Variants in NAV3 observed in about 807,000 individuals in gnomAD.
NAV3 encodes pore membrane and/or filament interacting like protein 1.
NAV3 carries 87 observed loss-of-function variants against 244.7 expected under a neutral mutation model. The ratio of observed to expected loss-of-function variants is 0.36; its 90% CI spans 0.30 to 0.42. The LOEUF is 0.42. Ranked by LOEUF, NAV3 falls within the 20% of genes least tolerant of loss-of-function variation. The probability of loss-of-function intolerance (pLI) is 1.00; values close to 1 mark genes in which losing one functional copy is unlikely to be tolerated. For synonymous variants in NAV3, 1,126 were observed against 1,042.2 expected (o/e 1.08, Z -1.55); for missense variants, 2,663 against 2,893.3 (o/e 0.92, Z 1.83).
chr12:77,633,880 T>C (rs2136927332), intron 2 of NAV3, among the ~76,000 whole-genome samples: 1 of 152,308 alleles, frequency 6.6e-6, no homozygotes, highest in East Asian at 1.9e-4. Context: ...TTTTGGACAA[T>C]GTAACATTTT....
At chr12:77,791,634 T>C (rs537611755) in intron 2 of NAV3, among the ~76,000 whole-genome samples, 2 of 152,304 alleles carry the variant, frequency 1.3e-5, no homozygotes, top group Non-Finnish European at 2.9e-5. Flanking sequence ...ACTATCCCAT[T>C]GTTGACTTCA....
intron 2 of NAV3, among the ~76,000 whole-genome samples, chr12:77,739,627 C>T (rs1490897006): frequency 6.6e-6 from 1 of 152,128 alleles, no homozygotes; most frequent in African/African-American, 2.4e-5. Flanking sequence ...TTGTACCTTA[C>T]TGATTTAAAT....
At chr12:77,855,509 G>A (rs1878261336) in intron 1 of NAV3, among the ~76,000 whole-genome samples, 1 of 152,142 alleles carries the variant, frequency 6.6e-6, no homozygotes, top group African/African-American at 2.4e-5. Flanking sequence ...TATATTATAA[G>A]AATTCTATAA....
chr12:78,096,367 C>A (rs1417413323), intron 12 of NAV3, among the ~76,000 whole-genome samples: 1 of 152,120 alleles, frequency 6.6e-6, no homozygotes, highest in Admixed American at 6.5e-5. Flanking sequence ...AAATTTATTT[C>A]TCCTCTAGTG....
At chr12:77,645,154 G>A (rs920408927) in intron 2 of NAV3, among the ~76,000 whole-genome samples, 3 of 152,098 alleles carry the variant, frequency 2.0e-5, no homozygotes, top group Non-Finnish European at 4.4e-5. Context: ...AGGCCAGATG[G>A]AAGATTAAAA....
At position 78,210,742 on chromosome 12, in the gene NAV3, G is replaced by A. The variant is rs1960819347; in HGVS notation, c.*225G>A. ...TCTAAGCATTTTTTATATCTGTGGA[G>A]TAATAGAAAGCTCCATTACTCAACT... On this transcript the variant is annotated 3_prime_UTR_variant, in exon 40 of 40. Coordinates refer to ENST00000397909, the MANE Select transcript of NAV3 (RefSeq NM_001024383.2). 1.9e-6 allele frequency: 1 copy of A among 515,320 alleles called. No homozygotes were observed. The highest frequency in any genetic ancestry group is 3.6e-5 in the East Asian group (1 of 27,606). 31.9% of individuals were successfully genotyped at this position (515,320 alleles called of 1,614,324 possible).
At chr12:78,006,159 T>G (rs576517098) in intron 7 of NAV3, among the ~76,000 whole-genome samples, 1 of 152,252 alleles carries the variant, frequency 6.6e-6, no homozygotes, top group South Asian at 2.1e-4. Context: ...CAAATTTATT[T>G]GGGTAAGAGT....
chr12:78,199,150 T>C, intron 36 of NAV3, 185 bp from the exon 37 acceptor site: 1 of 672,290 alleles, frequency 1.5e-6, no homozygotes. Context: ...AGCTACATTA[T>C]AGCTCTCATC....
At chr12:77,662,645 T>A (rs1873518532) in intron 2 of NAV3, among the ~76,000 whole-genome samples, 2 of 152,090 alleles carry the variant, frequency 1.3e-5, no homozygotes, top group Admixed American at 1.3e-4. Context: ...AGTATTATGC[T>A]TTTCCTAACT....
intron 2 of NAV3, among the ~76,000 whole-genome samples, chr12:77,665,809 A>T (rs917367221): frequency 6.6e-6 from 1 of 152,212 alleles, no homozygotes; most frequent in Non-Finnish European, 1.5e-5. Flanking sequence ...CTCTGAATTT[A>T]TAGCTGCTGA....
intron 9 of NAV3, among the ~76,000 whole-genome samples, chr12:78,029,179 C>CAAAAAAAAAAAAAAA (rs149050506): frequency 7.8e-6 from 1 of 128,788 alleles, no homozygotes; most frequent in Non-Finnish European, 1.7e-5. Context: ...CTACCTATTC[C>CAAAAAAAAAAAAAAA]AAAAAAAAAA....
At chr12:77,741,167 G>GA (rs1868327621) in intron 2 of NAV3, among the ~76,000 whole-genome samples, 4 of 76,070 alleles carry the variant, frequency 5.3e-5, no homozygotes, top group East Asian at 4.7e-4. Flanking sequence ...AAAAAAAAAA[G>GA]AAAAGAAAGA....
chr12:77,864,367 G>T (rs530276257), intron 1 of NAV3, among the ~76,000 whole-genome samples: 1 of 151,942 alleles, frequency 6.6e-6, no homozygotes, highest in Admixed American at 6.6e-5. Flanking sequence ...TGCATTTCAT[G>T]TCAAATAATT....
chr12:78,212,959 G>T lies in NAV3; in HGVS notation c.*2442G>T, dbSNP rs1960996463. On this transcript the variant is annotated 3_prime_UTR_variant, in exon 40 of 40. Transcript: ENST00000397909. The stretch of plus-strand genomic sequence containing the variant: ...ATATTTTTTTGCAAATGTGCACCCT[G>T]TATCTGTCTAAATTATTACTTTGCC... 6.6e-6 allele frequency: 1 copy of T among 152,494 alleles called. No homozygotes were observed. Among genetic ancestry groups the T allele is most frequent in the African/African-American group, 2.4e-5 (1 of 41,404 alleles). The allele number at this position is 152,494 out of a possible 1,614,324, so 9.4% of individuals were successfully genotyped here.
intron 2 of NAV3, among the ~76,000 whole-genome samples, chr12:77,788,201 T>C (rs1870996423): frequency 6.6e-6 from 1 of 152,238 alleles, no homozygotes; most frequent in Non-Finnish European, 1.5e-5. Flanking sequence ...GTGGACTTGA[T>C]TGAAGTATAT....
At chr12:78,029,179 CA>C (rs149050506) in intron 9 of NAV3, among the ~76,000 whole-genome samples, 38,184 of 128,658 alleles carry the variant, frequency 0.3, 4,872 homozygotes, top group Non-Finnish European at 0.35. Flanking sequence ...CTACCTATTC[CA>C]AAAAAAAAAA....
intron 2 of NAV3, among the ~76,000 whole-genome samples, chr12:77,664,371 C>T (rs538145825): frequency 7.2e-5 from 11 of 152,228 alleles, no homozygotes; most frequent in Admixed American, 3.3e-4. Flanking sequence ...AATTTTATTT[C>T]CTGGAAGAGT....
intron 2 of NAV3, among the ~76,000 whole-genome samples, chr12:77,582,537 A>T (rs1412992067): frequency 6.6e-6 from 1 of 151,872 alleles, no homozygotes. Flanking sequence ...AGTTTTATTA[A>T]TTGTTAGGAA....
chr12:77,737,452 C>T (rs1288686291), intron 2 of NAV3, among the ~76,000 whole-genome samples: 1 of 151,762 alleles, frequency 6.6e-6, no homozygotes, highest in Non-Finnish European at 1.5e-5. Flanking sequence ...CTCCTAGGTG[C>T]TGCTTTACTT....
Sources: allele counts gnomAD v4.1 joint callset (sites outside exome capture counted in the v4.1 genomes callset), GRCh38; gene constraint gnomAD v4.1.1; transcripts MANE v1.5; gene names NCBI Gene and HGNC (gene_info 2026-07-23, HGNC 2026-07-21).